The following PDE3B variants were observed in gnomAD, a reference collection of about 807,000 sequenced individuals.
The protein encoded by PDE3B is cGMP-inhibited 3',5'-cyclic phosphodiesterase 3B.
In PDE3B, 66 loss-of-function variants were observed where a neutral mutation model predicts 116.8. The ratio of observed to expected loss-of-function variants is 0.56; its 90% CI spans 0.46 to 0.69. The LOEUF (loss-of-function observed/expected upper bound fraction) is 0.69, where lower values mean the gene tolerates loss of function less well. Ranked by LOEUF, PDE3B falls within the 30% of genes least tolerant of loss-of-function variation. The pLI is 0.00. For missense variants in PDE3B, 1,384 were observed against 1,368.1 expected (o/e 1.01, Z -0.18); for synonymous variants, 595 against 533.6 (o/e 1.12, Z -1.59).
chr11:14,774,015 C>T (rs777963309), intron 2 of PDE3B: 5 of 151,392 alleles, frequency 3.3e-5, no homozygotes, highest in African/African-American at 1.2e-4. Context: ...GTTTTCTGGC[C>T]TCTTTTGTGC....
intron 1 of PDE3B, among the ~76,000 whole-genome samples, chr11:14,654,640 A>G (rs962863955): frequency 6.6e-6 from 1 of 152,208 alleles, no homozygotes; most frequent in African/African-American, 2.4e-5. Flanking sequence ...ATGTCTTCTA[A>G]GAGAACAGAC....
intron 1 of PDE3B, among the ~76,000 whole-genome samples, chr11:14,740,940 A>G (rs1461960649): frequency 6.6e-6 from 1 of 152,092 alleles, no homozygotes; most frequent in Non-Finnish European, 1.5e-5. Flanking sequence ...CTAAGTTCTA[A>G]TTTGATTGCA....
rs1356370046 is a variant in PDE3B at position 14,643,851 on chromosome 11, C to T, written c.-225C>T. ...AAAAGGAGGCGGCAGCTAAACTGGTCCTGGAGAGAAGCCCCTTCCGCCCCT... is the reference window on the plus strand; with the variant it reads ...AAAAGGAGGCGGCAGCTAAACTGGTTCTGGAGAGAAGCCCCTTCCGCCCCT... On this transcript the variant is annotated 5_prime_UTR_variant, in exon 1 of 16. Transcript: ENST00000282096. The T allele has an allele frequency of 5.4e-6, 3 of 553,208 alleles. No individual in the cohort carries two copies. Among genetic ancestry groups the T allele is most frequent in the South Asian group, 3.6e-5 (1 of 27,746 alleles). 34.3% of individuals were successfully genotyped at this position (553,208 alleles called of 1,614,324 possible). A position where few individuals can be genotyped will look rare whatever the true frequency, so the allele number is the denominator to read the frequency against.
intron 14 of PDE3B, among the ~76,000 whole-genome samples, chr11:14,862,021 G>C (rs991316758): frequency 3.3e-5 from 5 of 152,182 alleles, no homozygotes; most frequent in African/African-American, 1.2e-4. Flanking sequence ...TACCAGCCCA[G>C]TGTTCATGGA....
intron 1 of PDE3B, among the ~76,000 whole-genome samples, chr11:14,705,543 T>G (rs904327556): frequency 2.0e-5 from 3 of 151,798 alleles, no homozygotes; most frequent in African/African-American, 7.2e-5. Context: ...TGGAAATGTT[T>G]TGTATTTTAA....
intron 4 of PDE3B, among the ~76,000 whole-genome samples, chr11:14,802,254 T>G (rs1386169101): frequency 6.6e-6 from 1 of 152,208 alleles, no homozygotes; most frequent in Non-Finnish European, 1.5e-5. Flanking sequence ...CCCAGTTTTT[T>G]GCTTGAAACC....
rs1848125188 is a variant in PDE3B at position 14,870,498 on chromosome 11, A to G, written c.*838A>G. 1.3e-5 allele frequency: 2 copies of G among 152,604 alleles called. No homozygotes were observed. Among genetic ancestry groups the G allele is most frequent in the African/African-American group, 4.8e-5 (2 of 41,428 alleles). The allele number at this position is 152,604 out of a possible 1,614,324, so 9.5% of individuals were successfully genotyped here. On this transcript the variant is annotated 3_prime_UTR_variant, in exon 16 of 16. Transcript: ENST00000282096. This position sits in a 1 kb window ranked among gnomAD's most constrained non-coding sequence, Gnocchi z 4.1. ...TCGTATTTTTAAAGATTTAGTTAAT[A>G]TGAACACAGCACAGATTTGTTAGAA...
At chr11:14,851,190 GGTTT>G (rs2133982546) in intron 12 of PDE3B, among the ~76,000 whole-genome samples, 1 of 151,832 alleles carries the variant, frequency 6.6e-6, no homozygotes, top group Admixed American at 6.6e-5. Flanking sequence ...GTGGTAGCTG[GGTTT>G]GTTTATGCTG....
chr11:14,810,502 C>A (rs1032303247), intron 5 of PDE3B, among the ~76,000 whole-genome samples: 29 of 152,082 alleles, frequency 1.9e-4, no homozygotes, highest in Non-Finnish European at 3.8e-4. Flanking sequence ...TGAACTCATC[C>A]TTTTTTATGG....
chr11:14,800,826 C>G (rs1184763576), intron 4 of PDE3B, among the ~76,000 whole-genome samples: 1 of 152,170 alleles, frequency 6.6e-6, no homozygotes, highest in East Asian at 1.9e-4. Context: ...TTCACATAGT[C>G]CCTTATTTCT....
intron 1 of PDE3B, among the ~76,000 whole-genome samples, chr11:14,755,261 A>G (rs982103570): frequency 6.6e-6 from 1 of 152,192 alleles, no homozygotes; most frequent in East Asian, 1.9e-4. Flanking sequence ...TGGCAGATAC[A>G]TTTTCTAGAT....
chr11:14,733,048 A>G (rs1856503350), intron 1 of PDE3B, among the ~76,000 whole-genome samples: 1 of 152,222 alleles, frequency 6.6e-6, no homozygotes, highest in Non-Finnish European at 1.5e-5. Context: ...ATTTTCACAA[A>G]TCGATATACC....
rs1473593665 is a variant in PDE3B, at chr11:14,832,738, T to G, written c.2111T>G (p.Phe704Cys). 1.5e-6 allele frequency: 2 copies of G among 1,373,296 alleles called. No homozygotes were observed. The highest frequency in any genetic ancestry group is 1.9e-5 in the Admixed American group (1 of 53,246). The allele number at this position is 1,373,296 out of a possible 1,614,324, so 85.1% of individuals were successfully genotyped here. A position where few individuals can be genotyped will look rare whatever the true frequency, so the allele number is the denominator to read the frequency against. Residue 704 changes from phenylalanine (F) to cysteine (C), a missense_variant, in exon 10 of 16, where the codon TTT (phenylalanine) becomes TGT (cysteine). Around this residue, in one of 2 missense-constraint regions of PDE3B, gnomAD observed 428 missense variants for 561.4 expected, o/e 0.76. Transcript: ENST00000282096. ...GACATTTAGGTTATGTATACCTTATTTCAAGACACTGGTTTATTGGAAATA... is the reference window on the plus strand; with the variant it reads ...GACATTTAGGTTATGTATACCTTATGTCAAGACACTGGTTTATTGGAAATA... ...RILSQVMYTLFQDTGLLEIFK... is the reference protein window; with the variant it reads ...RILSQVMYTLCQDTGLLEIFK...
the PDE3B span, among the ~76,000 whole-genome samples, chr11:14,893,536 G>C: frequency 1.3e-5 from 2 of 152,186 alleles, no homozygotes; most frequent in Non-Finnish European, 2.9e-5. Context: ...TGTTAGTGGG[G>C]CTTCATTCTT....
chr11:14,724,908 G>A (rs559711505), intron 1 of PDE3B, among the ~76,000 whole-genome samples: 38 of 152,198 alleles, frequency 2.5e-4, no homozygotes, highest in African/African-American at 8.4e-4. Flanking sequence ...TTATATACCA[G>A]GCACAAATAT....
At chr11:14,666,539 C>A (rs1168530039) in intron 1 of PDE3B, among the ~76,000 whole-genome samples, 3 of 150,836 alleles carry the variant, frequency 2.0e-5, no homozygotes, top group African/African-American at 7.3e-5. Flanking sequence ...ACTCATCTGA[C>A]AAAGGGCTAA....
intron 2 of PDE3B, among the ~76,000 whole-genome samples, chr11:14,779,273 A>G (rs1857894226): frequency 6.6e-6 from 1 of 152,210 alleles, no homozygotes; most frequent in African/African-American, 2.4e-5. Context: ...AACTTCCCCA[A>G]CCTAGCAAGG....
intron 11 of PDE3B, among the ~76,000 whole-genome samples, chr11:14,837,690 C>T (rs1341182344): frequency 1.3e-5 from 2 of 152,180 alleles, no homozygotes; most frequent in African/African-American, 4.8e-5. Flanking sequence ...ACACTTCCTT[C>T]TGAGTTCTTA....
chr11:14,725,299 TTCTTTCTTTC>T (rs900117268), intron 1 of PDE3B, among the ~76,000 whole-genome samples: 9 of 127,640 alleles, frequency 7.1e-5, no homozygotes, highest in East Asian at 2.2e-4. Context: ...TTTTCTTTCT[TTCTTTCTTTC>T]TCTTTCTTTC....
Sources: allele counts gnomAD v4.1 joint callset (sites outside exome capture counted in the v4.1 genomes callset), GRCh38; gene constraint gnomAD v4.1.1; regional missense constraint gnomAD v4.1.1; non-coding constraint Gnocchi (gnomAD v3.1); transcripts MANE v1.5; gene names NCBI Gene and HGNC (gene_info 2026-07-23, HGNC 2026-07-21).